ZNF503: variants seen among roughly 807,000 people sequenced by gnomAD.
The protein encoded by ZNF503 is NocA-like zinc finger 2.
A neutral mutation model predicts 34.4 loss-of-function variants in ZNF503; 15 were observed. The observed-to-expected ratio is 0.44, with a 90% CI of 0.29 to 0.67. The LOEUF is 0.67. ZNF503 is among the 30% of genes least tolerant of loss of function. The pLI is 0.13. For synonymous variants in ZNF503, 580 were observed against 456.8 expected (o/e 1.27, Z -3.44); for missense variants, 1,007 against 926.8 (o/e 1.09, Z -1.12).
At chr10:75,326,649 A>AT in the ZNF503 span, among the ~76,000 whole-genome samples, 2,953 of 147,202 alleles carry the variant, frequency 0.02, 110 homozygotes, top group African/African-American at 0.069. Context: ...TTATTGTTTT[A>AT]TTTTTTTTTC....
the ZNF503 span, among the ~76,000 whole-genome samples, chr10:75,383,374 C>T: frequency 6.6e-6 from 1 of 152,220 alleles, no homozygotes; most frequent in Admixed American, 6.5e-5. Flanking sequence ...TCCTCTAAGG[C>T]TCCAGCTCCT....
chr10:75,335,528 C>G, the ZNF503 span, among the ~76,000 whole-genome samples: 5 of 152,134 alleles, frequency 3.3e-5, no homozygotes, highest in African/African-American at 1.2e-4. Context: ...CTAAGAGACC[C>G]CCAGGTGATT....
chr10:75,289,060 C>T, the ZNF503 span, among the ~76,000 whole-genome samples: 7 of 152,252 alleles, frequency 4.6e-5, no homozygotes, highest in African/African-American at 1.7e-4. Context: ...GGAAAGAGGG[C>T]GGCCCTGGAG....
At chr10:75,374,485 C>G in the ZNF503 span, among the ~76,000 whole-genome samples, 1 of 152,106 alleles carries the variant, frequency 6.6e-6, no homozygotes, top group Non-Finnish European at 1.5e-5. Flanking sequence ...CACTTGCCAC[C>G]CTCTTGTCCT....
the ZNF503 span, among the ~76,000 whole-genome samples, chr10:75,352,315 A>G: frequency 6.6e-6 from 1 of 152,108 alleles, no homozygotes; most frequent in Non-Finnish European, 1.5e-5. Flanking sequence ...GGGATTTTCA[A>G]TCTGATAGGA....
At chr10:75,321,596 G>T in the ZNF503 span, among the ~76,000 whole-genome samples, 1 of 152,216 alleles carries the variant, frequency 6.6e-6, no homozygotes, top group Admixed American at 6.5e-5. Context: ...TTGGGAAGTG[G>T]AACAAAAGTT....
At chr10:75,396,601 G>A (rs867438436), downstream of ZNF503, among the ~76,000 whole-genome samples, 1 of 152,178 alleles carries the variant, frequency 6.6e-6, no homozygotes, top group African/African-American at 2.4e-5. This position sits in a 1 kb window ranked among gnomAD's most constrained non-coding sequence, Gnocchi z 4.4. Context: ...TCGCGCGGCC[G>A]TGAGTCCCCA....
the ZNF503 span, among the ~76,000 whole-genome samples, chr10:75,377,424 G>A: frequency 6.6e-6 from 1 of 152,188 alleles, no homozygotes; most frequent in South Asian, 2.1e-4. Context: ...ATCCATAGCT[G>A]CAATTTTATA....
At chr10:75,334,714 T>G in the ZNF503 span, among the ~76,000 whole-genome samples, 1 of 152,256 alleles carries the variant, frequency 6.6e-6, no homozygotes, top group Non-Finnish European at 1.5e-5. Flanking sequence ...AAGCTGGAGA[T>G]GCTTGCTAGG....
the ZNF503 span, among the ~76,000 whole-genome samples, chr10:75,290,257 C>T: frequency 6.6e-5 from 10 of 152,212 alleles, no homozygotes; most frequent in Admixed American, 6.5e-4. Context: ...AAGTGGGTTA[C>T]TGCCATATTT....
Position 75,398,956 on chromosome 10 carries a change from CGAGGTGGGGAT to C in ZNF503, c.1723_1733del (p.Ile575GlyfsTer144). 1 of 1,601,894 alleles carries C rather than the reference CGAGGTGGGGAT, an allele frequency of 6.2e-7. No homozygotes were observed. The highest frequency in any genetic ancestry group is 1.3e-5 in the African/African-American group (1 of 74,922). ...GCGTCCCAGGGCTGCCCGGTGCGCC[CGAGGTGGGGAT>C]GTGCATGTGGCAAGCCATGGCGGCC... On this transcript the variant is annotated frameshift_variant, in exon 2 of 2. Transcript: ENST00000372524. LOFTEE classifies it high-confidence loss of function.
the ZNF503 span, among the ~76,000 whole-genome samples, chr10:75,308,188 A>G: frequency 1.5e-5 from 2 of 132,672 alleles, no homozygotes; most frequent in South Asian, 5.4e-4. Flanking sequence ...CCTGGGTGAC[A>G]ATACATCTTT....
At chr10:75,366,926 C>T in the ZNF503 span, among the ~76,000 whole-genome samples, 1 of 152,204 alleles carries the variant, frequency 6.6e-6, no homozygotes, top group African/African-American at 2.4e-5. Flanking sequence ...CTTAATATAT[C>T]TCTTACTGGC....
chr10:75,372,133 T>C, the ZNF503 span, among the ~76,000 whole-genome samples: 3 of 152,204 alleles, frequency 2.0e-5, no homozygotes, highest in Non-Finnish European at 4.4e-5. Flanking sequence ...GGTTTCACCA[T>C]GTTGGCCAGG....
chr10:75,356,813 G>A, the ZNF503 span, among the ~76,000 whole-genome samples: 1 of 152,172 alleles, frequency 6.6e-6, no homozygotes, highest in Non-Finnish European at 1.5e-5. Flanking sequence ...ACATTGCTCT[G>A]GGTCACTGTG....
the ZNF503 span, among the ~76,000 whole-genome samples, chr10:75,292,696 T>G: frequency 6.6e-6 from 1 of 152,202 alleles, no homozygotes; most frequent in Non-Finnish European, 1.5e-5. Flanking sequence ...TCATATGTTT[T>G]TCCCAGTGGC....
the ZNF503 span, among the ~76,000 whole-genome samples, chr10:75,353,684 A>G: frequency 6.6e-6 from 1 of 152,160 alleles, no homozygotes; most frequent in African/African-American, 2.4e-5. Context: ...ACAGCAGGGT[A>G]CCTCCCAAAC....
the ZNF503 span, among the ~76,000 whole-genome samples, chr10:75,390,522 T>C: frequency 6.6e-6 from 1 of 152,002 alleles, no homozygotes; most frequent in African/African-American, 2.4e-5. Flanking sequence ...TGTACATTGA[T>C]AGGCACCTAA....
the ZNF503 span, among the ~76,000 whole-genome samples, chr10:75,344,172 T>C: frequency 8.5e-5 from 13 of 152,316 alleles, no homozygotes; most frequent in African/African-American, 3.1e-4. Flanking sequence ...GGGTGGGCCC[T>C]TCTTGTCTGT....
Sources: allele counts gnomAD v4.1 joint callset (sites outside exome capture counted in the v4.1 genomes callset), GRCh38; gene constraint gnomAD v4.1.1; non-coding constraint Gnocchi (gnomAD v3.1); transcripts MANE v1.5; gene names NCBI Gene and HGNC (gene_info 2026-07-23, HGNC 2026-07-21).